Variants in TRPC5 observed in about 807,000 individuals in gnomAD.
TRPC5 encodes the protein transient receptor potential cation channel subfamily C member 5.
TRPC5 carries 9 observed loss-of-function variants against 56.5 expected under a neutral mutation model. The observed-to-expected ratio is 0.16, with a 90% CI of 0.10 to 0.28. The LOEUF (loss-of-function observed/expected upper bound fraction) is 0.28, where lower values mean the gene tolerates loss of function less well. Among genes scored for constraint, TRPC5 ranks in the 10% least tolerant of loss-of-function variants. The pLI is 1.00. For synonymous variants in TRPC5, 282 were observed against 278.5 expected (o/e 1.01, Z -0.13); for missense variants, 469 against 748.9 (o/e 0.63, Z 4.36).
intron 7 of TRPC5, among the ~76,000 whole-genome samples, chrX:111,806,480 TC>T (rs1437657383): frequency 8.9e-6 from 1 of 112,064 alleles, no homozygotes; most frequent in African/African-American, 3.2e-5. Context: ...GACAGAGGCC[TC>T]CCTCAGTTCC....
intron 3 of TRPC5, among the ~76,000 whole-genome samples, chrX:111,888,548 G>A (rs1234647894): frequency 3.8e-5 from 4 of 104,902 alleles, no homozygotes; most frequent in African/African-American, 1.0e-4. Flanking sequence ...AAAAAAATTA[G>A]CCAGGCATGG....
intron 6 of TRPC5, among the ~76,000 whole-genome samples, chrX:111,840,729 T>C (rs1283254292): frequency 8.9e-6 from 1 of 112,051 alleles, no homozygotes; most frequent in Non-Finnish European, 1.9e-5. Context: ...CACATAGCCT[T>C]ATAACTGTAT....
intron 1 of TRPC5, among the ~76,000 whole-genome samples, chrX:112,056,270 T>C: frequency 8.9e-6 from 1 of 112,064 alleles, no homozygotes; most frequent in East Asian, 2.8e-4. Context: ...ATGAGAATGC[T>C]TAATAGAGCT....
rs1463526423 is a variant in TRPC5 at position 111,917,249 on chromosome X, AC to A, written c.379-4438del. ...ATGGAGTTGGGAAGAGGAGCAGATA[AC>A]CCGCTCTCGCCAGCTGGTGCAAGCC... On this transcript the variant is annotated intron_variant, in intron 2 of 10. Coordinates refer to ENST00000262839, the MANE Select transcript of TRPC5 (RefSeq NM_012471.3). 8.0e-5 allele frequency among the ~76,000 whole-genome samples: 9 copies of A among 112,191 alleles called. No homozygotes were observed. In the Admixed American group the frequency reaches 8.5e-4, roughly 11 times the overall value.
chrX:111,785,036 C>T (rs978896501), intron 7 of TRPC5, among the ~76,000 whole-genome samples: 1 of 112,477 alleles, frequency 8.9e-6, no homozygotes. Flanking sequence ...TTAAACGTCC[C>T]TGTCTGACAG....
Position 111,781,203 on chromosome X carries a change from G to A in TRPC5, c.2104C>T (p.Arg702Cys), listed in dbSNP as rs201851253. The change falls in exon 9 of 11, where the codon CGC becomes TGC. Residue 702 changes from arginine (R) to cysteine (C), a missense_variant. Transcript: ENST00000262839. ...RRRNLRSFTE[R>C]NADSLIQNQH... ...TTTTGTATCAGGCTGTCAGCATTGCGTTCCTATAATTGAAAATAGACAGAG... is the reference window on the plus strand; with the variant it reads ...TTTTGTATCAGGCTGTCAGCATTGCATTCCTATAATTGAAAATAGACAGAG... 767 of 1,206,557 alleles carry A rather than the reference G, an allele frequency of 6.4e-4. 5 individuals carry two copies. The highest frequency in any genetic ancestry group is 1.7e-4 in the Non-Finnish European group (148 of 892,541).
At chrX:111,777,277 A>T (rs1945886334) in intron 10 of TRPC5, among the ~76,000 whole-genome samples, 3 of 111,574 alleles carry the variant, frequency 2.7e-5, no homozygotes, top group African/African-American at 9.8e-5. Context: ...TTTCATAAGG[A>T]CTAACTCCTG....
chrX:111,814,853 C>G (rs888373806), intron 7 of TRPC5, among the ~76,000 whole-genome samples: 8 of 110,688 alleles, frequency 7.2e-5, no homozygotes, highest in Non-Finnish European at 3.8e-5. Flanking sequence ...CACCTCAGCT[C>G]CAGTGTGCAA....
intron 7 of TRPC5, among the ~76,000 whole-genome samples, chrX:111,808,756 C>A (rs1921604499): frequency 9.1e-6 from 1 of 109,611 alleles, no homozygotes; most frequent in Non-Finnish European, 1.9e-5. Flanking sequence ...TAATGCTGGG[C>A]CACACCTGAA....
rs1320191062 is a variant in TRPC5 at position 111,952,328 on chromosome X, T to C, written c.93A>G (p.Ala31=). The C allele has an allele frequency of 1.2e-5, 14 of 1,212,070 alleles. No individual in the cohort carries two copies. Among genetic ancestry groups the C allele is most frequent in the Non-Finnish European group, 1.6e-5 (14 of 895,592 alleles). ...QIVRAETELS[A]EEKAFLNAVE... ...CAGCATTGAGGAAGGCCTTCTCCTC[T>C]GCAGAGAGCTCTGTCTCAGCCCTCA... The change falls in exon 2 of 11, where the codon GCA becomes GCG. Residue 31 remains alanine, a synonymous_variant. Coordinates refer to ENST00000262839, the MANE Select transcript of TRPC5 (RefSeq NM_012471.3).
At chrX:111,932,406 G>A (rs998116367) in intron 2 of TRPC5, among the ~76,000 whole-genome samples, 5 of 111,492 alleles carry the variant, frequency 4.5e-5, no homozygotes, top group Admixed American at 2.9e-4. Flanking sequence ...ATGGGACACC[G>A]ACATTGGACC....
At chrX:111,985,180 C>T (rs1056175539) in intron 1 of TRPC5, among the ~76,000 whole-genome samples, 8 of 112,167 alleles carry the variant, frequency 7.1e-5, no homozygotes, top group Non-Finnish European at 1.3e-4. Context: ...CCTTTTCCAC[C>T]GTAATGGCTC....
At chrX:111,919,309 T>G (rs919019372) in intron 2 of TRPC5, among the ~76,000 whole-genome samples, 9 of 111,389 alleles carry the variant, frequency 8.1e-5, no homozygotes, top group Non-Finnish European at 3.8e-5. Flanking sequence ...TGGGGACAAA[T>G]AAGGGAATAA....
At chrX:112,078,161 G>T (rs1012338317) in intron 1 of TRPC5, among the ~76,000 whole-genome samples, 1 of 111,792 alleles carries the variant, frequency 8.9e-6, no homozygotes, top group African/African-American at 3.3e-5. Context: ...ATCTGAATAC[G>T]CTAGCTATAG....
intron 3 of TRPC5, among the ~76,000 whole-genome samples, chrX:111,868,901 C>G (rs1038835738): frequency 1.8e-5 from 2 of 111,680 alleles, no homozygotes; most frequent in Non-Finnish European, 3.8e-5. Context: ...GATTTCAGTT[C>G]TTCAGAAGAT....
chrX:111,993,057 C>T, intron 1 of TRPC5, among the ~76,000 whole-genome samples: 1 of 106,049 alleles, frequency 9.4e-6, no homozygotes, highest in East Asian at 2.9e-4. Flanking sequence ...CCCCAGCCCC[C>T]CACCCCCTGA....
intron 7 of TRPC5, among the ~76,000 whole-genome samples, chrX:111,796,917 C>A (rs1921116910): frequency 8.9e-6 from 1 of 112,010 alleles, no homozygotes; most frequent in African/African-American, 3.2e-5. Context: ...CTTTTTAGCC[C>A]TAACTGGCCT....
intron 1 of TRPC5, among the ~76,000 whole-genome samples, chrX:112,044,777 G>T (rs1179015905): frequency 9.0e-6 from 1 of 111,574 alleles, no homozygotes. Flanking sequence ...CAGAATCCTC[G>T]CTAGCCTGTA....
In TRPC5 at chrX:111,775,791, C is replaced by A. The variant is rs1016968086; in HGVS notation, c.*522G>T. On this transcript the variant is annotated 3_prime_UTR_variant, in exon 11 of 11. Transcript: ENST00000262839. ...CAATTCTTTGAAATCTCTTCAGCCT[C>A]CCTTTGATGCTGTTCATTGACCCAG... The A allele has an allele frequency of 8.9e-6, 1 of 112,696 alleles. No homozygotes were observed. Among genetic ancestry groups the A allele is most frequent in the Non-Finnish European group, 1.9e-5 (1 of 53,510 alleles). 9.3% of individuals were successfully genotyped at this position (112,696 alleles called of 1,213,427 possible). A position where few individuals can be genotyped will look rare whatever the true frequency, so the allele number is the denominator to read the frequency against.
Sources: allele counts gnomAD v4.1 joint callset (sites outside exome capture counted in the v4.1 genomes callset), GRCh38; gene constraint gnomAD v4.1.1; transcripts MANE v1.5; gene names NCBI Gene and HGNC (gene_info 2026-07-23, HGNC 2026-07-21).